Variants in PTCH1 observed in about 807,000 individuals in gnomAD.
PTCH1 encodes patched 1.
In PTCH1, 14 loss-of-function variants were observed where a neutral mutation model predicts 144.6. The ratio of observed to expected loss-of-function variants is 0.10; its 90% CI spans 0.06 to 0.15. The LOEUF is 0.15. Ranked by LOEUF, PTCH1 falls within the 10% of genes least tolerant of loss-of-function variation. The pLI is 1.00. For synonymous variants in PTCH1, 833 were observed against 793.6 expected, an observed-to-expected ratio of 1.05 and a Z score of -0.83; for missense variants, 1,623 against 1,948.3, an observed-to-expected ratio of 0.83 and a Z score of 3.14.
At position 95,449,124 on chromosome 9, in the gene PTCH1, G is replaced by C. The variant is rs1838211042; in HGVS notation, c.3749C>G (p.Pro1250Arg). Reference sequence around the variant, plus strand: ...GGCTTCCACGATCACTTGGTGGGCAGGGCCTCCCGCGCCCTGCTGGGCCTC... The same window carrying C: ...GGCTTCCACGATCACTTGGTGGGCACGGCCTCCCGCGCCCTGCTGGGCCTC... ...HYEAQQGAGG[P>R]AHQVIVEATE... Residue 1250 changes from proline to arginine, a missense_variant, in exon 22 of 24, where the codon CCT becomes CGT. This residue lies in a region of PTCH1 where 291 missense variants were observed against 287.4 expected (regional missense o/e 1.01). Coordinates refer to ENST00000331920, the MANE Select transcript of PTCH1 (RefSeq NM_000264.5). This position sits in a 1 kb window ranked among gnomAD's most constrained non-coding sequence, Gnocchi z 5.3. 1.9e-6 allele frequency: 3 copies of C among 1,614,202 alleles called. No homozygotes were observed. The highest frequency in any genetic ancestry group is 1.7e-5 in the Admixed American group (1 of 60,030).
intron 2 of PTCH1, among the ~76,000 whole-genome samples, chr9:95,502,978 T>C (rs1843260666): frequency 6.6e-6 from 1 of 152,064 alleles, no homozygotes; most frequent in South Asian, 2.1e-4. Context: ...ACAATGTGCA[T>C]ACACACACAC....
At chr9:95,483,297 T>C (rs1167710122) in intron 3 of PTCH1, 1 of 150,692 alleles carries the variant, frequency 6.6e-6, no homozygotes, top group African/African-American at 2.4e-5. Flanking sequence ...AGTTTTATTG[T>C]CTCTAGAAAA....
intron 1 of PTCH1, chr9:95,507,905 TACACACACAC>T (rs139956254): frequency 8.2e-7 from 1 of 1,220,070 alleles, no homozygotes; most frequent in Non-Finnish European, 1.1e-6. Flanking sequence ...GGCGTGTGTA[TACACACACAC>T]ACACGCACAC....
chr9:95,456,197 G>C (rs923932790), intron 19 of PTCH1, 79 bp downstream of exon 19: 18 of 1,593,962 alleles, frequency 1.1e-5, no homozygotes, highest in East Asian at 6.7e-5. Context: ...AGAATGCAAG[G>C]TTCCCACTTG....
intron 15 of PTCH1, among the ~76,000 whole-genome samples, chr9:95,465,975 T>C (rs544179082): frequency 3.3e-5 from 5 of 152,334 alleles, no homozygotes; most frequent in African/African-American, 7.2e-5. Flanking sequence ...TTTAGACTTT[T>C]TTTTCCCCTC....
chr9:95,511,037 C>A (rs562846927), upstream of PTCH1, among the ~76,000 whole-genome samples: 14 of 150,188 alleles, frequency 9.3e-5, no homozygotes, highest in South Asian at 2.7e-3. Context: ...GAAGGCGGAC[C>A]GGCCCCCTTA....
chr9:95,451,475 C>T (rs1838456126), intron 20 of PTCH1: 1 of 152,218 alleles, frequency 6.6e-6, no homozygotes, highest in Non-Finnish European at 1.5e-5. Flanking sequence ...GAGGAGAGCG[C>T]TGGGATTCCA....
intron 2 of PTCH1, among the ~76,000 whole-genome samples, chr9:95,499,964 G>A (rs1328021658): frequency 1.3e-5 from 2 of 151,896 alleles, no homozygotes; most frequent in South Asian, 2.1e-4. Context: ...CAGCTTGCCC[G>A]AGTTTCAGCT....
chr9:95,480,279 G>A, intron 6 of PTCH1, 111 bp downstream of exon 6: 3 of 1,538,362 alleles, frequency 2.0e-6, no homozygotes, highest in East Asian at 2.3e-5. Flanking sequence ...AGACAAAGAC[G>A]ATCATGGAGA....
chr9:95,460,204 A>C (rs1839343245), intron 16 of PTCH1, among the ~76,000 whole-genome samples: 1 of 152,210 alleles, frequency 6.6e-6, no homozygotes, highest in Non-Finnish European at 1.5e-5. Flanking sequence ...CAGTAAATGG[A>C]GGAGAGCTAT....
chr9:95,494,213 T>C, intron 2 of PTCH1: 1 of 985,620 alleles, frequency 1.0e-6, no homozygotes, highest in Non-Finnish European at 1.2e-6. Context: ...CCATCTGTTA[T>C]CAGCCTTGCC....
In PTCH1 at chr9:95,508,654, T is replaced by A. The variant is rs952502634; in HGVS notation, c.-293A>T. ...GTCTCTGCGGCCGCCGCTGCCCACA[T>A]CCAGTTCGCGGAAGAGCGAGAGCCG... On this transcript the variant is annotated 5_prime_UTR_variant, in exon 1 of 24. An upstream start codon of the reference 5' UTR is lost. Coordinates refer to ENST00000331920, the MANE Select transcript of PTCH1 (RefSeq NM_000264.5). 2 of 987,152 alleles carry A rather than the reference T, an allele frequency of 2.0e-6. No homozygotes were observed. Among genetic ancestry groups the A allele is most frequent in the African/African-American group, 1.8e-5 (1 of 56,820 alleles). 61.1% of individuals were successfully genotyped at this position (987,152 alleles called of 1,614,324 possible).
intron 15 of PTCH1, 39 bp downstream of exon 15, chr9:95,467,076 CA>C: frequency 6.2e-7 from 1 of 1,601,002 alleles, no homozygotes; most frequent in Non-Finnish European, 8.6e-7. Flanking sequence ...GCTGAACACG[CA>C]AAAGACCGAA....
At chr9:95,459,466 G>A (rs1839258661) in intron 17 of PTCH1, 134 bp downstream of exon 17, 2 of 1,140,494 alleles carry the variant, frequency 1.8e-6, no homozygotes, top group Non-Finnish European at 2.6e-6. Flanking sequence ...AGTTTTAAAC[G>A]AGAAGAAATA....
At position 95,476,785 on chromosome 9, in the gene PTCH1, C is replaced by T. The variant is rs2118281215; in HGVS notation, c.1576G>A (p.Gly526Arg). The part of the protein sequence containing the change: ...FLLAHAFSET[G>R]QNKRIPFEDR... The stretch of plus-strand genomic sequence containing the variant: ...TCAAAAGGGATTCTTTTATTCTGTC[C>T]TGTTTCACTGAAGGCGTGGGCCAGA... Residue 526 changes from glycine (G) to arginine (R), a missense_variant, in exon 11 of 24, where the codon GGA (glycine) becomes AGA (arginine). This residue lies in a region of PTCH1 where 135 missense variants were observed against 228.7 expected (regional missense o/e 0.59). Coordinates refer to ENST00000331920, the MANE Select transcript of PTCH1 (RefSeq NM_000264.5). The surrounding 1 kb of genome is among the most constrained non-coding windows in gnomAD (Gnocchi z 4.6). 1 of 1,614,008 alleles carries T rather than the reference C, an allele frequency of 6.2e-7. No individual in the cohort carries two copies. The highest frequency in any genetic ancestry group is 8.5e-7 in the Non-Finnish European group (1 of 1,179,912).
rs1841036577 is a variant in PTCH1, at chr9:95,476,369, C to T, written c.1603-210G>A. ...GTCATCAATTCTTCATGGTTATTAC[C>T]ATCCAGAGAAGAAAGCTGCAAGATA... On this transcript the variant is annotated intron_variant, in intron 11 of 23. Coordinates refer to ENST00000331920, the MANE Select transcript of PTCH1 (RefSeq NM_000264.5). The surrounding 1 kb of genome is among the most constrained non-coding windows in gnomAD (Gnocchi z 4.6). Among the ~76,000 whole-genome samples the T allele has an allele frequency of 1.3e-5, 2 of 152,156 alleles. No individual in the cohort carries two copies. The highest frequency in any genetic ancestry group is 4.2e-4 in the South Asian group (2 of 4,818).
chr9:95,485,413 T>C (rs189734032), intron 3 of PTCH1, among the ~76,000 whole-genome samples: 3 of 152,264 alleles, frequency 2.0e-5, no homozygotes, highest in Admixed American at 2.0e-4. Flanking sequence ...GGGTGTATAG[T>C]CCCCAAGTGG....
At chr9:95,462,556 TG>T (rs1228545516) in intron 15 of PTCH1, among the ~76,000 whole-genome samples, 1 of 152,206 alleles carries the variant, frequency 6.6e-6, no homozygotes, top group Non-Finnish European at 1.5e-5. Flanking sequence ...TGCCAGGTTG[TG>T]TAAAGATCAC....
In PTCH1 at chr9:95,462,134, C is replaced by T. The variant is rs971248004; in HGVS notation, c.2561-136G>A. On this transcript the variant is annotated intron_variant, in intron 15 of 23. Transcript: ENST00000331920. ...TCAGAAACACACCCTCTGTGTCCCA[C>T]ATCCACTTTGACTGAAAGCACTGGA... 17 of 1,019,472 alleles carry T rather than the reference C, an allele frequency of 1.7e-5. No individual in the cohort carries two copies. The Admixed American group carries it at 2.7e-4, about 16-fold the overall frequency. 63.2% of individuals were successfully genotyped at this position (1,019,472 alleles called of 1,614,324 possible).
Sources: allele counts gnomAD v4.1 joint callset (sites outside exome capture counted in the v4.1 genomes callset), GRCh38; gene constraint gnomAD v4.1.1; regional missense constraint gnomAD v4.1.1; non-coding constraint Gnocchi (gnomAD v3.1); transcripts MANE v1.5; gene names NCBI Gene and HGNC (gene_info 2026-07-23, HGNC 2026-07-21).